Variants in INTS7 observed in about 807,000 individuals in gnomAD.
The protein encoded by INTS7 is integrator complex subunit 7, also known as chromosome 1 open reading frame 73.
Under a neutral mutation model 109.2 loss-of-function variants are expected in INTS7, and 46 were observed. The ratio of observed to expected loss-of-function variants is 0.42; its 90% CI spans 0.33 to 0.54. The LOEUF (loss-of-function observed/expected upper bound fraction) is 0.54, where lower values mean the gene tolerates loss of function less well. Among genes scored for constraint, INTS7 ranks in the 20% least tolerant of loss-of-function variants. INTS7 has a pLI of 0.07. For synonymous variants in INTS7, 412 were observed against 402.9 expected (o/e 1.02, Z -0.27); for missense variants, 929 against 1,132.4 (o/e 0.82, Z 2.58).
intron 1 of INTS7, among the ~76,000 whole-genome samples, chr1:212,029,015 G>A (rs12131060): frequency 0.069 from 10,455 of 152,246 alleles, 451 homozygotes; most frequent in Admixed American, 0.14. Flanking sequence ...ATTCAAGAAT[G>A]AGACATTTAA....
chr1:211,976,451 CT>C, intron 12 of INTS7, 130 bp downstream of exon 12: 2 of 778,694 alleles, frequency 2.6e-6, no homozygotes, highest in Non-Finnish European at 4.0e-6. Flanking sequence ...CCTTCCTCAT[CT>C]TCAGAACCCA....
At chr1:212,014,568 T>TCTC (rs1376956165) in intron 4 of INTS7, among the ~76,000 whole-genome samples, 15 of 58,670 alleles carry the variant, frequency 2.6e-4, no homozygotes, top group African/African-American at 7.9e-4. Context: ...CCCCTCCCCC[T>TCTC]CTCCCCACGG....
chr1:211,965,707 T>TA (rs1241162698), intron 16 of INTS7, among the ~76,000 whole-genome samples: 2 of 152,022 alleles, frequency 1.3e-5, no homozygotes, highest in Admixed American at 1.3e-4. Flanking sequence ...GAAAACCAAA[T>TA]ACCACACGTT....
At chr1:211,944,703 A>T in intron 19 of INTS7, 81 bp downstream of exon 19, 1 of 1,154,294 alleles carries the variant, frequency 8.7e-7, no homozygotes, top group Non-Finnish European at 1.3e-6. Context: ...CAATCTATTT[A>T]ACCATGAAAA....
Position 211,976,809 on chromosome 1 carries a change from G to C in INTS7, c.1471-90C>G, listed in dbSNP as rs184843173. 74 of 1,206,918 alleles carry C rather than the reference G, an allele frequency of 6.1e-5. 1 individual carries two copies. The Admixed American group carries it at 8.5e-4, about 14-fold the overall frequency. 74.8% of individuals were successfully genotyped at this position (1,206,918 alleles called of 1,614,324 possible). A position where few individuals can be genotyped will look rare whatever the true frequency, so the allele number is the denominator to read the frequency against. On this transcript the variant is annotated intron_variant, in intron 11 of 19. Transcript: ENST00000366994. ...ACCCCAAAGGGAGGAAAACTAATTA[G>C]AGCCCACTGCAAAAGAACAAAATTT... is the stretch of plus-strand genomic sequence containing the variant.
chr1:211,995,594 T>G (rs1227079186), intron 7 of INTS7, among the ~76,000 whole-genome samples: 1 of 152,200 alleles, frequency 6.6e-6, no homozygotes, highest in Admixed American at 6.5e-5. Flanking sequence ...CAGATAAAAC[T>G]CTCTATGGAA....
intron 1 of INTS7, among the ~76,000 whole-genome samples, chr1:212,029,097 A>G (rs1252093067): frequency 1.3e-5 from 2 of 152,380 alleles, no homozygotes; most frequent in East Asian, 3.9e-4. Context: ...AAATTATGGT[A>G]AACTTGGGGT....
chr1:212,006,961 C>T (rs1222304844), intron 6 of INTS7, among the ~76,000 whole-genome samples, 200 bp from the exon 7 acceptor site: 1 of 151,892 alleles, frequency 6.6e-6, no homozygotes, highest in Non-Finnish European at 1.5e-5. Context: ...AGTTTTAGCA[C>T]AGGCCCTGGC....
At chr1:211,945,051 T>G in intron 18 of INTS7, 82 bp from the exon 19 acceptor site, 2 of 1,379,376 alleles carry the variant, frequency 1.4e-6, no homozygotes, top group African/African-American at 1.4e-5. Flanking sequence ...AATCACTGGT[T>G]ACAGGTTAAC....
chr1:211,986,251 A>G, intron 8 of INTS7, among the ~76,000 whole-genome samples: 1 of 152,128 alleles, frequency 6.6e-6, no homozygotes, highest in Non-Finnish European at 1.5e-5. Flanking sequence ...GTCTTAGACC[A>G]TCCAATCCTG....
At chr1:212,031,084 T>G (rs1173467000) in intron 1 of INTS7, 2 of 152,236 alleles carry the variant, frequency 1.3e-5, no homozygotes, top group Non-Finnish European at 2.9e-5. Context: ...AAATCTATCC[T>G]CTATATTTCC....
chr1:211,997,578 A>C lies in INTS7; in HGVS notation c.879+9061T>G, dbSNP rs1414745084. The stretch of plus-strand genomic sequence containing the variant: ...GAGAGATGTACCATGTTCATGGATC[A>C]AAAAAACACAATACTATTGGCCAGG... On this transcript the variant is annotated intron_variant, in intron 7 of 19. Coordinates refer to ENST00000366994, the MANE Select transcript of INTS7 (RefSeq NM_015434.4). 2.0e-5 allele frequency among the ~76,000 whole-genome samples: 3 copies of C among 150,730 alleles called. No individual in the cohort carries two copies. In the East Asian group the frequency reaches 5.8e-4, roughly 29 times the overall value.
intron 16 of INTS7, among the ~76,000 whole-genome samples, chr1:211,963,157 C>A (rs752910271): frequency 6.6e-6 from 1 of 151,964 alleles, no homozygotes; most frequent in Non-Finnish European, 1.5e-5. Context: ...CAAGTAAACA[C>A]AATTAGAAAC....
At chr1:211,999,122 C>A (rs996996424) in intron 7 of INTS7, among the ~76,000 whole-genome samples, 2 of 152,192 alleles carry the variant, frequency 1.3e-5, no homozygotes, top group Non-Finnish European at 2.9e-5. Context: ...CACAACCCAG[C>A]AATTCCATTT....
rs1426645783 is a variant in INTS7, at chr1:211,976,666, T to C, written c.1524A>G (p.Glu508=). 1 of 1,613,908 alleles carries C rather than the reference T, an allele frequency of 6.2e-7. No homozygotes were observed. The highest frequency in any genetic ancestry group is 1.1e-5 in the South Asian group (1 of 91,076). Reference sequence around the variant, plus strand: ...GCTGCTGCTTAATTACTGCCTTACTTTCCACAGACAATGCCTTCTGACTTG... The same window carrying C: ...GCTGCTGCTTAATTACTGCCTTACTCTCCACAGACAATGCCTTCTGACTTG... The part of the protein sequence containing the change: ...FVASQKALSV[E]SKAVIKQQLE... The change falls in exon 12 of 20, where the codon GAA becomes GAG. Residue 508 remains glutamate (E), a synonymous_variant. Transcript: ENST00000366994.
rs546224645 is a variant in INTS7, at chr1:211,946,071, CTG to C, written c.2415+534_2415+535del. On this transcript the variant is annotated intron_variant, in intron 18 of 19. Coordinates refer to ENST00000366994, the MANE Select transcript of INTS7 (RefSeq NM_015434.4). This position sits in a 1 kb window ranked among gnomAD's most constrained non-coding sequence, Gnocchi z 4.3. ...AACAGAGCTCCAGTTACCCAAATGCCTGTCTCATAGAATTTGGCACTGACAAT... is the reference window on the plus strand; with the variant it reads ...AACAGAGCTCCAGTTACCCAAATGCCTCTCATAGAATTTGGCACTGACAAT... Among the ~76,000 whole-genome samples the C allele has an allele frequency of 2.9e-4, 44 of 152,332 alleles. 1 individual carries two copies. The highest frequency in any genetic ancestry group is 5.2e-4 in the Admixed American group (8 of 15,292).
At chr1:212,002,033 T>A (rs760626972) in intron 7 of INTS7, among the ~76,000 whole-genome samples, 5 of 152,198 alleles carry the variant, frequency 3.3e-5, no homozygotes, top group Non-Finnish European at 7.3e-5. Context: ...ATGTCTAACA[T>A]TTTACAGTTT....
rs534355277 is a variant in INTS7, at chr1:212,006,424, T to C, written c.879+215A>G. ...AATGAACAAGCAACTGAGTGGCAAG[T>C]TTCACTGACTAAAACAAACATTGAA... On this transcript the variant is annotated intron_variant, in intron 7 of 19. Transcript: ENST00000366994. Among the ~76,000 whole-genome samples the C allele has an allele frequency of 2.0e-5, 3 of 152,328 alleles. No individual in the cohort carries two copies. In the South Asian group the frequency reaches 6.2e-4, roughly 32 times the overall value.
At chr1:211,957,366 T>C (rs1256048736) in intron 16 of INTS7, among the ~76,000 whole-genome samples, 9 of 152,068 alleles carry the variant, frequency 5.9e-5, no homozygotes, top group Non-Finnish European at 7.4e-5. Flanking sequence ...ACCAATATGG[T>C]GAAACCCTGA....
Sources: allele counts gnomAD v4.1 joint callset (sites outside exome capture counted in the v4.1 genomes callset), GRCh38; gene constraint gnomAD v4.1.1; non-coding constraint Gnocchi (gnomAD v3.1); transcripts MANE v1.5; gene names NCBI Gene and HGNC (gene_info 2026-07-23, HGNC 2026-07-21).